FHIT: variants seen among roughly 807,000 people sequenced by gnomAD.
FHIT encodes fragile histidine triad diadenosine triphosphatase, also known as bis(5'-adenosyl)-triphosphatase.
Under a neutral mutation model 17.9 loss-of-function variants are expected in FHIT, and 19 were observed. The ratio of observed to expected loss-of-function variants is 1.06; its 90% CI spans 0.74 to 1.56. The LOEUF is 1.56. FHIT is among the 40% of genes most tolerant of loss of function. The pLI, the probability that FHIT is intolerant of heterozygous loss-of-function variation, is 0.00. For synonymous variants in FHIT, 81 were observed against 69.7 expected (o/e 1.16, Z -0.81); for missense variants, 248 against 189.2 (o/e 1.31, Z -1.82).
chr3:59,877,084 C>G (rs1340463769), intron 8 of FHIT, among the ~76,000 whole-genome samples: 1 of 152,024 alleles, frequency 6.6e-6, no homozygotes, highest in Non-Finnish European at 1.5e-5. Context: ...TAACCTTGAG[C>G]CAGAAGCCAA....
chr3:59,961,079 T>C (rs969216332), intron 7 of FHIT, among the ~76,000 whole-genome samples: 2 of 152,234 alleles, frequency 1.3e-5, no homozygotes, highest in African/African-American at 4.8e-5. Context: ...ATTTGAGGCC[T>C]AAAGAATTTC....
At chr3:60,921,641 C>T (rs1428579881) in intron 3 of FHIT, among the ~76,000 whole-genome samples, 1 of 152,118 alleles carries the variant, frequency 6.6e-6, no homozygotes, top group Non-Finnish European at 1.5e-5. Flanking sequence ...ACATGACCAC[C>T]ATGAATTATC....
chr3:61,153,078 G>A (rs1020381556), intron 2 of FHIT, among the ~76,000 whole-genome samples: 8 of 151,436 alleles, frequency 5.3e-5, no homozygotes, highest in Admixed American at 2.0e-4. Flanking sequence ...GGGAGGCGGA[G>A]GCTGCAGTGA....
chr3:60,257,187 A>C (rs1187360929), intron 5 of FHIT, among the ~76,000 whole-genome samples: 1 of 152,200 alleles, frequency 6.6e-6, no homozygotes, highest in African/African-American at 2.4e-5. Flanking sequence ...TAAAATCTTT[A>C]ACACAGGTTC....
At chr3:60,570,154 G>T (rs1473360665) in intron 4 of FHIT, among the ~76,000 whole-genome samples, 2 of 152,066 alleles carry the variant, frequency 1.3e-5, no homozygotes, top group East Asian at 3.9e-4. Context: ...ATATGTTTGG[G>T]AAGCCATGCT....
At chr3:59,909,465 G>A (rs780037652) in intron 8 of FHIT, among the ~76,000 whole-genome samples, 2 of 151,932 alleles carry the variant, frequency 1.3e-5, no homozygotes, top group Non-Finnish European at 2.9e-5. Context: ...GTGTACATGC[G>A]ATTATGGGCA....
At chr3:60,412,962 T>C (rs1702118281) in intron 5 of FHIT, among the ~76,000 whole-genome samples, 1 of 152,140 alleles carries the variant, frequency 6.6e-6, no homozygotes, top group African/African-American at 2.4e-5. Flanking sequence ...CCTTCCACCA[T>C]GATTGTAAGT....
chr3:60,460,317 A>C (rs1350364795), intron 5 of FHIT, among the ~76,000 whole-genome samples: 7 of 152,168 alleles, frequency 4.6e-5, no homozygotes, highest in Non-Finnish European at 7.4e-5. Flanking sequence ...TTATAAGGAA[A>C]GAAGTTCCAC....
Position 61,002,473 on chromosome 3 carries a change from G to A in FHIT, c.-111+39574C>T, listed in dbSNP as rs373128324. Among the ~76,000 whole-genome samples the A allele has an allele frequency of 1.6e-3, 242 of 152,140 alleles. 3 individuals are homozygous for A. The highest frequency in any genetic ancestry group is 5.4e-3 in the African/African-American group (223 of 41,528). ...GACAGGTTCTCACTATGTTGCCCTA[G>A]CTGGTTTCAAACTCCTGGGCTCAAG... On this transcript the variant is annotated intron_variant, in intron 3 of 9. Transcript: ENST00000492590.
At chr3:60,261,328 T>C (rs991130550) in intron 5 of FHIT, among the ~76,000 whole-genome samples, 2 of 151,952 alleles carry the variant, frequency 1.3e-5, no homozygotes, top group Admixed American at 6.6e-5. Context: ...ACAAAAGACA[T>C]ATATATCATA....
At chr3:60,986,707 G>A (rs1014227951) in intron 3 of FHIT, among the ~76,000 whole-genome samples, 34 of 152,260 alleles carry the variant, frequency 2.2e-4, no homozygotes, top group South Asian at 8.3e-4. Flanking sequence ...GGCTCTGGAT[G>A]TCAGAGATAG....
chr3:59,899,223 G>A (rs143614685), intron 8 of FHIT, among the ~76,000 whole-genome samples: 1 of 152,160 alleles, frequency 6.6e-6, no homozygotes, highest in Non-Finnish European at 1.5e-5. Context: ...GGTCACATGC[G>A]GGCACATGAG....
rs192710104 is a variant in FHIT at position 60,456,824 on chromosome 3, G to A, written c.103+80036C>T. Reference sequence around the variant, plus strand: ...ACTATATGGATCAGGAGGCATGAAAGCACCCTTACATTCAAAGAGAATAAA... The same window carrying A: ...ACTATATGGATCAGGAGGCATGAAAACACCCTTACATTCAAAGAGAATAAA... On this transcript the variant is annotated intron_variant, in intron 5 of 9. Coordinates refer to ENST00000492590, the MANE Select transcript of FHIT (RefSeq NM_002012.4). Among the ~76,000 whole-genome samples the A allele has an allele frequency of 7.2e-5, 11 of 151,956 alleles. No homozygotes were observed. In the East Asian group the frequency reaches 2.1e-3, roughly 29 times the overall value.
Position 61,079,539 on chromosome 3 carries a change from A to G in FHIT, c.-163-37440T>C, listed in dbSNP as rs374272651. ...AAATAAATAGTAAAAATAGGATAAT[A>G]CCAAAAAATATGCAAAATCTTCTCC... On this transcript the variant is annotated intron_variant, in intron 2 of 9. Transcript: ENST00000492590. Among the ~76,000 whole-genome samples the G allele has an allele frequency of 7.2e-5, 11 of 152,306 alleles. No individual in the cohort carries two copies. In the East Asian group the frequency reaches 1.9e-3, roughly 27 times the overall value.
intron 4 of FHIT, among the ~76,000 whole-genome samples, chr3:60,663,383 T>C (rs2040307974): frequency 6.6e-6 from 1 of 151,746 alleles, no homozygotes; most frequent in Non-Finnish European, 1.5e-5. Context: ...ATTTCTTTCA[T>C]CAGCATTTTG....
intron 4 of FHIT, among the ~76,000 whole-genome samples, chr3:60,557,015 T>A (rs182822115): frequency 6.6e-6 from 1 of 152,354 alleles, no homozygotes; most frequent in East Asian, 1.9e-4. Flanking sequence ...AGAAAACTTG[T>A]GCAGTAACAT....
At chr3:60,096,564 T>G (rs751884637) in intron 5 of FHIT, among the ~76,000 whole-genome samples, 4 of 152,164 alleles carry the variant, frequency 2.6e-5, no homozygotes, top group Non-Finnish European at 4.4e-5. Context: ...CACTGGGGAC[T>G]CACCTCTATC....
intron 8 of FHIT, among the ~76,000 whole-genome samples, chr3:59,912,275 T>G (rs1249286258): frequency 6.6e-6 from 1 of 152,138 alleles, no homozygotes; most frequent in Non-Finnish European, 1.5e-5. Flanking sequence ...AGATCACCAA[T>G]AGATGAAACT....
chr3:60,263,465 AC>A (rs1706403962), intron 5 of FHIT, among the ~76,000 whole-genome samples: 1 of 152,066 alleles, frequency 6.6e-6, no homozygotes, highest in African/African-American at 2.4e-5. Context: ...AGATGACTTA[AC>A]AAACTGTAGT....
Sources: gnomAD v4.1 joint callset for allele counts (sites outside exome capture counted in the v4.1 genomes callset) on GRCh38, gnomAD v4.1.1 for gene constraint, MANE v1.5 for transcripts, NCBI Gene and HGNC (gene_info 2026-07-23, HGNC 2026-07-21) for gene names.